BMAL2: variants seen among roughly 807,000 people sequenced by gnomAD.
BMAL2 encodes the protein basic helix-loop-helix ARNT like 2.
At chr12:27,341,287 C>G in the BMAL2 span, among the ~76,000 whole-genome samples, 2 of 152,018 alleles carry the variant, frequency 1.3e-5, no homozygotes, top group Non-Finnish European at 2.9e-5. Flanking sequence ...GAGGTATGTT[C>G]CTTTAATACC....
At chr12:27,336,706 T>C in the BMAL2 span, among the ~76,000 whole-genome samples, 7 of 152,102 alleles carry the variant, frequency 4.6e-5, no homozygotes, top group Non-Finnish European at 1.0e-4. Flanking sequence ...ATCCCAGCAC[T>C]TTGGGAGGCT....
chr12:27,388,938 G>A, the BMAL2 span, among the ~76,000 whole-genome samples: 1 of 152,098 alleles, frequency 6.6e-6, no homozygotes, highest in Admixed American at 6.5e-5. Context: ...CAGAATACTA[G>A]CAATTGGTGT....
chr12:27,395,636 G>T, the BMAL2 span, among the ~76,000 whole-genome samples: 1 of 152,042 alleles, frequency 6.6e-6, no homozygotes, highest in East Asian at 1.9e-4. Flanking sequence ...TTCCTAAAAT[G>T]ATTTTTTATT....
At chr12:27,373,797 T>C in the BMAL2 span, among the ~76,000 whole-genome samples, 1 of 152,212 alleles carries the variant, frequency 6.6e-6, no homozygotes, top group African/African-American at 2.4e-5. Flanking sequence ...AAAATAGTTT[T>C]CAAGAAAACT....
the BMAL2 span, among the ~76,000 whole-genome samples, chr12:27,340,373 G>A: frequency 5.3e-5 from 8 of 151,988 alleles, no homozygotes; most frequent in South Asian, 1.7e-3. Flanking sequence ...TCCTTTCCTG[G>A]TTGCTTGTTT....
the BMAL2 span, chr12:27,370,275 G>T: frequency 1.4e-6 from 2 of 1,424,076 alleles, no homozygotes; most frequent in South Asian, 2.3e-5. Context: ...CCTACTTGAA[G>T]AGGGCATAGA....
At chr12:27,403,607 A>G in the BMAL2 span, 2 of 985,556 alleles carry the variant, frequency 2.0e-6, no homozygotes, top group Non-Finnish European at 3.0e-6. Flanking sequence ...TCAATATACA[A>G]AAATCAGTAG....
At chr12:27,390,687 G>A in the BMAL2 span, among the ~76,000 whole-genome samples, 1,329 of 152,206 alleles carry the variant, frequency 8.7e-3, 6 homozygotes, top group Middle Eastern at 0.02. Flanking sequence ...TGATTCTTCG[G>A]TAAATATCTC....
At chr12:27,397,820 CATAAG>C in the BMAL2 span, among the ~76,000 whole-genome samples, 1 of 152,178 alleles carries the variant, frequency 6.6e-6, no homozygotes, top group Non-Finnish European at 1.5e-5. Context: ...AATTTATCTT[CATAAG>C]ATAATTGTGC....
the BMAL2 span, among the ~76,000 whole-genome samples, chr12:27,362,978 A>AT: frequency 7.2e-5 from 11 of 151,882 alleles, no homozygotes; most frequent in Admixed American, 2.0e-4. Flanking sequence ...TAGTTTTAAA[A>AT]TTTTTTTGTA....
the BMAL2 span, among the ~76,000 whole-genome samples, chr12:27,365,447 C>T: frequency 6.6e-6 from 1 of 151,872 alleles, no homozygotes; most frequent in South Asian, 2.1e-4. Context: ...TTTGTACTGT[C>T]CTTGTCAGGT....
chr12:27,389,213 T>A, the BMAL2 span: 1 of 1,612,760 alleles, frequency 6.2e-7, no homozygotes, highest in African/African-American at 1.3e-5. Context: ...TTTGACTTCT[T>A]ACATCCAAAA....
the BMAL2 span, chr12:27,400,855 G>T: frequency 1.0e-5 from 10 of 959,348 alleles, no homozygotes; most frequent in Non-Finnish European, 1.3e-5. Flanking sequence ...AGCACTGCTA[G>T]TTTTTCTTTT....
the BMAL2 span, chr12:27,402,689 T>C: frequency 4.4e-6 from 7 of 1,605,272 alleles, no homozygotes; most frequent in Non-Finnish European, 6.0e-6. Flanking sequence ...TAAGCTTACT[T>C]TTAGATGATG....
the BMAL2 span, among the ~76,000 whole-genome samples, chr12:27,407,984 G>A: frequency 6.6e-6 from 1 of 152,076 alleles, no homozygotes; most frequent in Non-Finnish European, 1.5e-5. Flanking sequence ...AAATAAACTA[G>A]AAAATCTAGA....
chr12:27,397,093 T>C, the BMAL2 span, among the ~76,000 whole-genome samples: 3 of 152,156 alleles, frequency 2.0e-5, no homozygotes, highest in Admixed American at 6.5e-5. Context: ...TTTATTGAGA[T>C]GGAGTCTTGC....
the BMAL2 span, among the ~76,000 whole-genome samples, chr12:27,362,205 A>C: frequency 6.6e-6 from 1 of 152,152 alleles, no homozygotes; most frequent in Non-Finnish European, 1.5e-5. Flanking sequence ...TGATGAAATA[A>C]ATTCCCTGCA....
At chr12:27,367,745 T>C in the BMAL2 span, among the ~76,000 whole-genome samples, 1 of 151,978 alleles carries the variant, frequency 6.6e-6, no homozygotes, top group African/African-American at 2.4e-5. Context: ...TTTTGGCTGG[T>C]ATATATATTT....
At chr12:27,339,944 GTTGT>G in the BMAL2 span, among the ~76,000 whole-genome samples, 2 of 152,140 alleles carry the variant, frequency 1.3e-5, no homozygotes, top group Admixed American at 6.5e-5. Context: ...TTTTAATGGA[GTTGT>G]TTGTTTTTTC....
Sources: allele counts gnomAD v4.1 joint callset (sites outside exome capture counted in the v4.1 genomes callset), GRCh38; gene constraint gnomAD v4.1.1; transcripts MANE v1.5; gene names NCBI Gene and HGNC (gene_info 2026-07-23, HGNC 2026-07-21).